ATG7: variants seen among roughly 807,000 people sequenced by gnomAD.
ATG7 encodes ubiquitin-like modifier-activating enzyme ATG7.
ATG7 carries 70 observed loss-of-function variants against 82.4 expected under a neutral mutation model. The observed-to-expected ratio is 0.85, with a 90% confidence interval of 0.70 to 1.04. ATG7 has a LOEUF of 1.04. ATG7 is among the 50% of genes least tolerant of loss of function. ATG7 has a pLI of 0.00. For synonymous variants in ATG7, 287 were observed against 313.0 expected, an observed-to-expected ratio of 0.92 and a Z score of 0.88; for missense variants, 792 against 864.3, an observed-to-expected ratio of 0.92 and a Z score of 1.05.
At chr3:11,336,036 ATTTT>A (rs541306159) in intron 11 of ATG7, among the ~76,000 whole-genome samples, 9 of 111,692 alleles carry the variant, frequency 8.1e-5, no homozygotes, top group Non-Finnish European at 1.5e-4. Context: ...GTGCCCGGTC[ATTTT>A]TTTTTTTTTT....
intron 20 of ATG7, among the ~76,000 whole-genome samples, chr3:11,553,305 A>C (rs1267935019): frequency 6.6e-6 from 1 of 151,616 alleles, no homozygotes; most frequent in Non-Finnish European, 1.5e-5. Flanking sequence ...TCACAGGTAG[A>C]TGTGAGGAGT....
At chr3:11,493,925 GA>G (rs1484163243) in intron 20 of ATG7, among the ~76,000 whole-genome samples, 1 of 152,158 alleles carries the variant, frequency 6.6e-6, no homozygotes, top group African/African-American at 2.4e-5. Context: ...GGGGTATTGA[GA>G]ACCATGACTG....
At chr3:11,329,845 A>G (rs1048112334) in intron 9 of ATG7, among the ~76,000 whole-genome samples, 2 of 152,132 alleles carry the variant, frequency 1.3e-5, no homozygotes, top group African/African-American at 2.4e-5. Flanking sequence ...CGATTTCACC[A>G]GTTTTTTCCT....
intron 20 of ATG7, among the ~76,000 whole-genome samples, chr3:11,531,606 C>T (rs181130216): frequency 9.8e-5 from 15 of 152,334 alleles, no homozygotes; most frequent in African/African-American, 3.1e-4. Context: ...GGTGCAATGG[C>T]TCATGCCTAT....
At chr3:11,377,055 G>A (rs1417667924) in intron 18 of ATG7, among the ~76,000 whole-genome samples, 2 of 152,170 alleles carry the variant, frequency 1.3e-5, no homozygotes, top group Non-Finnish European at 2.9e-5. Flanking sequence ...GCCGCCTTTT[G>A]TCAGCTATAG....
intron 19 of ATG7, among the ~76,000 whole-genome samples, chr3:11,403,562 T>C (rs908506213): frequency 2.0e-5 from 3 of 152,332 alleles, no homozygotes; most frequent in Admixed American, 6.5e-5. Context: ...TTAAGGTTTT[T>C]TCTTCTGGTG....
the ATG7 span, chr3:11,568,552 A>G: frequency 1.9e-6 from 3 of 1,551,292 alleles, no homozygotes; most frequent in South Asian, 2.4e-5. This position sits in a 1 kb window ranked among gnomAD's most constrained non-coding sequence, Gnocchi z 5.9. Flanking sequence ...AAACAGCGAG[A>G]AAAGGCCTGG....
At chr3:11,379,060 C>T (rs1245145750) in intron 18 of ATG7, among the ~76,000 whole-genome samples, 1 of 152,030 alleles carries the variant, frequency 6.6e-6, no homozygotes, top group African/African-American at 2.4e-5. Flanking sequence ...TCAGGAGGTC[C>T]ATTTTTGAGT....
Position 11,358,401 on chromosome 3 carries a change from T to C in ATG7, c.1285-17T>C, listed in dbSNP as rs1018776031. On this transcript the variant is annotated splice_polypyrimidine_tract_variant and intron_variant, in intron 14 of 20. Coordinates refer to ENST00000693202, the MANE Select transcript of ATG7 (RefSeq NM_001349232.2). ...TACCATTGCTCCAGACATAACTACGTCCTGGTGTTTCCCTAGAATGCCAGA... is the reference window on the plus strand; with the variant it reads ...TACCATTGCTCCAGACATAACTACGCCCTGGTGTTTCCCTAGAATGCCAGA... The C allele has an allele frequency of 1.2e-6, 2 of 1,607,154 alleles. No homozygotes were observed. The highest frequency in any genetic ancestry group is 1.7e-6 in the Non-Finnish European group (2 of 1,176,396).
intron 18 of ATG7, among the ~76,000 whole-genome samples, chr3:11,376,298 T>C (rs529688521): frequency 1.3e-5 from 2 of 152,344 alleles, no homozygotes; most frequent in Non-Finnish European, 2.9e-5. Flanking sequence ...ACCACTGAGC[T>C]GTACAGTTTA....
chr3:11,447,239 G>GT (rs1417260790), intron 20 of ATG7, among the ~76,000 whole-genome samples: 1 of 152,212 alleles, frequency 6.6e-6, no homozygotes, highest in Non-Finnish European at 1.5e-5. Flanking sequence ...GCTGAGGCGG[G>GT]TGGATCATGA....
At chr3:11,459,968 T>C (rs758174724) in intron 20 of ATG7, among the ~76,000 whole-genome samples, 2 of 152,234 alleles carry the variant, frequency 1.3e-5, no homozygotes, top group African/African-American at 2.4e-5. Context: ...TCTTATCCAC[T>C]GCACCATACT....
chr3:11,380,887 G>C (rs947424046), intron 19 of ATG7, among the ~76,000 whole-genome samples: 3 of 152,184 alleles, frequency 2.0e-5, no homozygotes, highest in African/African-American at 4.8e-5. Context: ...CACTGTGGAA[G>C]AAAGAGAATT....
intron 19 of ATG7, among the ~76,000 whole-genome samples, chr3:11,412,065 G>A (rs1331031637): frequency 6.6e-6 from 1 of 151,878 alleles, no homozygotes; most frequent in African/African-American, 2.4e-5. Flanking sequence ...GACAAGTGTG[G>A]CCAAGAAACA....
chr3:11,421,991 T>A (rs1355490547), intron 19 of ATG7, among the ~76,000 whole-genome samples: 1 of 152,222 alleles, frequency 6.6e-6, no homozygotes, highest in Non-Finnish European at 1.5e-5. Flanking sequence ...CTTAAGATAT[T>A]CAGTAAACTG....
intron 18 of ATG7, among the ~76,000 whole-genome samples, chr3:11,365,023 G>T (rs2076507239): frequency 6.6e-6 from 1 of 152,172 alleles, no homozygotes; most frequent in African/African-American, 2.4e-5. Flanking sequence ...TTTGGAATCA[G>T]TCATACAATG....
At chr3:11,351,037 T>C (rs1185950899) in intron 14 of ATG7, among the ~76,000 whole-genome samples, 1 of 152,052 alleles carries the variant, frequency 6.6e-6, no homozygotes, top group Non-Finnish European at 1.5e-5. Flanking sequence ...CTGTCACTTA[T>C]TAGATGCCTG....
intron 13 of ATG7, among the ~76,000 whole-genome samples, chr3:11,344,324 A>G (rs1419799389): frequency 1.3e-5 from 2 of 152,170 alleles, no homozygotes; most frequent in Non-Finnish European, 2.9e-5. Flanking sequence ...TTTATTGCTG[A>G]CTTTAATGAG....
At position 11,360,755 on chromosome 3, in the gene ATG7, T is replaced by C; in HGVS notation, c.1654T>C (p.Phe552Leu). 6.2e-7 allele frequency: 1 copy of C among 1,614,176 alleles called. No individual in the cohort carries two copies. Among genetic ancestry groups the C allele is most frequent in the Non-Finnish European group, 8.5e-7 (1 of 1,180,010 alleles). Residue 552 changes from phenylalanine to leucine, a missense_variant, in exon 16 of 21, where the codon TTC becomes CTC. Physicochemically the swap from Phe to Leu is conservative, Grantham distance 22. Coordinates refer to ENST00000693202, the MANE Select transcript of ATG7 (RefSeq NM_001349232.2). The stretch of plus-strand genomic sequence containing the variant: ...CCCTGGTTACAAGCTTGGCTGCTAC[T>C]TCTGCAATGATGTGGTGGCCCCAGG... ...NIPGYKLGCY[F>L]CNDVVAPGDS... is the part of the protein sequence containing the mutation.
Sources: allele counts gnomAD v4.1 joint callset (sites outside exome capture counted in the v4.1 genomes callset), GRCh38; gene constraint gnomAD v4.1.1; non-coding constraint Gnocchi (gnomAD v3.1); transcripts MANE v1.5; gene names NCBI Gene and HGNC (gene_info 2026-07-23, HGNC 2026-07-21).